The following EYA2 variants were observed in gnomAD, a reference collection of about 807,000 sequenced individuals.
EYA2 encodes protein phosphatase EYA2.
Under a neutral mutation model 69.2 loss-of-function variants are expected in EYA2, and 31 were observed. The observed-to-expected ratio is 0.45, with a 90% confidence interval of 0.34 to 0.60. The LOEUF (loss-of-function observed/expected upper bound fraction) is 0.60. Among genes scored for constraint, EYA2 ranks in the 20% least tolerant of loss-of-function variants. EYA2 has a pLI of 0.02. For missense variants in EYA2, 622 were observed against 701.2 expected (o/e 0.89, Z 1.28); for synonymous variants, 257 against 279.4 (o/e 0.92, Z 0.80).
At chr20:46,940,379 C>CA (rs1031112032) in intron 1 of EYA2, among the ~76,000 whole-genome samples, 13 of 152,122 alleles carry the variant, frequency 8.5e-5, no homozygotes, top group Non-Finnish European at 1.0e-4. Context: ...CCAGAGAGGT[C>CA]AAATCATTTG....
intron 9 of EYA2, among the ~76,000 whole-genome samples, chr20:47,118,953 C>T (rs1003373597): frequency 2.6e-5 from 4 of 152,296 alleles, no homozygotes; most frequent in Middle Eastern, 6.8e-3. Flanking sequence ...CCATGCAAAA[C>T]CTACAACAAA....
intron 1 of EYA2, among the ~76,000 whole-genome samples, chr20:46,975,528 A>G (rs1209891016): frequency 6.6e-6 from 1 of 152,174 alleles, no homozygotes; most frequent in Non-Finnish European, 1.5e-5. Context: ...ACATAAAATC[A>G]AATAAAATGA....
intron 5 of EYA2, among the ~76,000 whole-genome samples, chr20:47,031,922 C>T (rs756121257): frequency 6.6e-6 from 1 of 152,176 alleles, no homozygotes. Context: ...ATCCAAGGAA[C>T]AAGTCCCTGC....
intron 9 of EYA2, among the ~76,000 whole-genome samples, chr20:47,105,032 T>C (rs547175894): frequency 6.6e-6 from 1 of 152,018 alleles, no homozygotes; most frequent in African/African-American, 2.4e-5. Flanking sequence ...AAAATTTTTT[T>C]AAAAAATCAA....
At chr20:47,141,045 A>T (rs2033583806) in intron 9 of EYA2, among the ~76,000 whole-genome samples, 3 of 152,204 alleles carry the variant, frequency 2.0e-5, no homozygotes, top group African/African-American at 7.2e-5. Context: ...ACCTCCTACT[A>T]GGCCTTACCT....
chr20:47,112,338 T>C (rs890385647), intron 9 of EYA2, among the ~76,000 whole-genome samples: 3 of 152,132 alleles, frequency 2.0e-5, no homozygotes, highest in African/African-American at 7.2e-5. Flanking sequence ...AGATAATGAA[T>C]GAAGGAAAGA....
chr20:47,175,791 T>A (rs1427888694), intron 12 of EYA2, among the ~76,000 whole-genome samples: 1 of 152,138 alleles, frequency 6.6e-6, no homozygotes, highest in Non-Finnish European at 1.5e-5. Context: ...CTTGTGAGTT[T>A]GTATTGTTAC....
intron 1 of EYA2, among the ~76,000 whole-genome samples, chr20:46,982,587 G>A (rs1600605768): frequency 6.6e-6 from 1 of 152,008 alleles, no homozygotes; most frequent in African/African-American, 2.4e-5. Flanking sequence ...ATGTGTGCTA[G>A]ATCTTTTACC....
At chr20:47,087,387 G>C (rs1488220348) in intron 7 of EYA2, among the ~76,000 whole-genome samples, 5 of 152,174 alleles carry the variant, frequency 3.3e-5, no homozygotes, top group Non-Finnish European at 5.9e-5. Context: ...GAGAAAATGG[G>C]ATGGGATGTC....
At chr20:46,929,089 G>T (rs2146247948) in intron 1 of EYA2, among the ~76,000 whole-genome samples, 1 of 150,960 alleles carries the variant, frequency 6.6e-6, no homozygotes, top group African/African-American at 2.4e-5. Flanking sequence ...TTTGGAGCAG[G>T]CTCAGGGAAC....
At chr20:47,181,079 A>G in intron 14 of EYA2, 143 bp downstream of exon 14, 1 of 1,164,378 alleles carries the variant, frequency 8.6e-7, no homozygotes, top group Non-Finnish European at 1.2e-6. Flanking sequence ...TTCCCAAAAC[A>G]GCCCCCATAG....
chr20:46,897,626 G>A (rs1483300732), intron 1 of EYA2, among the ~76,000 whole-genome samples: 2 of 152,174 alleles, frequency 1.3e-5, no homozygotes, highest in African/African-American at 4.8e-5. Flanking sequence ...TAAACTCCTT[G>A]TATAATAAAA....
At chr20:46,968,376 G>T (rs1394221983) in intron 1 of EYA2, among the ~76,000 whole-genome samples, 1 of 152,202 alleles carries the variant, frequency 6.6e-6, no homozygotes, top group Non-Finnish European at 1.5e-5. Flanking sequence ...GTTCCTCAAA[G>T]CCCTTTGTCT....
At chr20:46,908,726 G>A (rs375676534) in intron 1 of EYA2, among the ~76,000 whole-genome samples, 68 of 152,144 alleles carry the variant, frequency 4.5e-4, no homozygotes, top group African/African-American at 1.5e-3. Context: ...GAATTTTTAA[G>A]AGAAATGTCC....
chr20:47,059,482 C>A (rs899012501), intron 5 of EYA2, among the ~76,000 whole-genome samples: 3 of 152,162 alleles, frequency 2.0e-5, no homozygotes, highest in Non-Finnish European at 4.4e-5. Context: ...TCCCAAGTAG[C>A]TAGGATTACA....
rs1176296227 is a variant in EYA2 at position 46,990,026 on chromosome 20, A to G, written c.16A>G (p.Ile6Val). Residue 6 changes from isoleucine to valine, a missense_variant, in exon 2 of 16, where the codon ATC becomes GTC. Ile to Val is a conservative substitution (Grantham distance 29). Coordinates refer to ENST00000327619, the MANE Select transcript of EYA2 (RefSeq NM_005244.5). Reference sequence around the variant, plus strand: ...GTACAAGGAAATGGTAGAACTAGTGATCTCACCCAGCCTCACTGTAAACAG... The same window carrying G: ...GTACAAGGAAATGGTAGAACTAGTGGTCTCACCCAGCCTCACTGTAAACAG... The part of the protein sequence containing the change: MVELV[I>V]SPSLTVNSDC... 1.2e-6 allele frequency: 2 copies of G among 1,602,654 alleles called. No individual in the cohort carries two copies. The highest frequency in any genetic ancestry group is 3.3e-5 in the Admixed American group (2 of 59,986).
intron 10 of EYA2, among the ~76,000 whole-genome samples, chr20:47,148,029 A>G (rs2154033): frequency 0.15 from 21,585 of 144,332 alleles, 1,772 homozygotes; most frequent in African/African-American, 0.18. Context: ...ACTGTACTCC[A>G]GCCTGGGCGA....
At chr20:46,955,401 T>C (rs1979061375) in intron 1 of EYA2, among the ~76,000 whole-genome samples, 1 of 152,196 alleles carries the variant, frequency 6.6e-6, no homozygotes, top group Non-Finnish European at 1.5e-5. Context: ...ACTTTTATAC[T>C]CAAGAACAAA....
intron 5 of EYA2, among the ~76,000 whole-genome samples, chr20:47,034,435 G>T (rs1322734786): frequency 1.3e-5 from 2 of 152,200 alleles, no homozygotes; most frequent in East Asian, 3.8e-4. Context: ...TGGGGGCAGG[G>T]AGATGAGTAG....
Sources: allele counts gnomAD v4.1 joint callset (sites outside exome capture counted in the v4.1 genomes callset), GRCh38; gene constraint gnomAD v4.1.1; transcripts MANE v1.5; gene names NCBI Gene and HGNC (gene_info 2026-07-23, HGNC 2026-07-21).